The following TRMT1L variants were observed in gnomAD, a reference collection of about 807,000 sequenced individuals.
The protein encoded by TRMT1L is tRNA methyltransferase 1L, also known as tRNA (guanine(27)-N(2))-dimethyltransferase.
Under a neutral mutation model 81.6 loss-of-function variants are expected in TRMT1L, and 28 were observed. The ratio of observed to expected loss-of-function variants is 0.34; its 90% CI spans 0.25 to 0.47. TRMT1L has a LOEUF of 0.47. TRMT1L is among the 20% of genes least tolerant of loss of function. The pLI is 1.00. For synonymous variants in TRMT1L, 301 were observed against 303.2 expected (o/e 0.99, Z 0.07); for missense variants, 739 against 877.1 (o/e 0.84, Z 1.99).
chr1:185,137,342 G>A (rs1652924811), intron 10 of TRMT1L: 1 of 503,448 alleles, frequency 2.0e-6, no homozygotes. Context: ...CCTAAAATTA[G>A]TTGAGAGTGG....
chr1:185,152,515 T>G (rs897833682), intron 1 of TRMT1L, among the ~76,000 whole-genome samples: 1 of 152,226 alleles, frequency 6.6e-6, no homozygotes, highest in Non-Finnish European at 1.5e-5. Context: ...TAGTTTGAAC[T>G]TTATTCTTCA....
chr1:185,151,862 G>A lies in TRMT1L; in HGVS notation c.309C>T (p.Asp103=). ...NLAFVTDGNF[D]SASSLNSDNL... ...TATCTGAGTTCAATGAGCTGGCAGA[G>A]TCAAAATTTCCATCAGTTACAAAAG... The change falls in exon 2 of 15, where the codon GAC becomes GAT. Residue 103 remains aspartate, a synonymous_variant. Coordinates refer to ENST00000367506, the MANE Select transcript of TRMT1L (RefSeq NM_030934.5). 3 of 1,600,796 alleles carry A rather than the reference G, an allele frequency of 1.9e-6. No individual in the cohort carries two copies. Among genetic ancestry groups the A allele is most frequent in the South Asian group, 2.2e-5 (2 of 89,084 alleles).
chr1:185,143,472 T>C lies in TRMT1L; in HGVS notation c.780-36A>G. ...ATCATAATCTGAAATAACTTTACCA[T>C]GGCTTCACCATCATAGATTTTATTT... On this transcript the variant is annotated intron_variant, in intron 6 of 14. Transcript: ENST00000367506. 1.9e-6 allele frequency: 3 copies of C among 1,550,066 alleles called. No homozygotes were observed. In the South Asian group the frequency reaches 3.5e-5, roughly 18 times the overall value.
chr1:185,156,743 G>C lies in TRMT1L; in HGVS notation c.-31C>G, dbSNP rs761995283. On this transcript the variant is annotated 5_prime_UTR_variant, in exon 1 of 15. Coordinates refer to ENST00000367506, the MANE Select transcript of TRMT1L (RefSeq NM_030934.5). ...CCGCCTCCGTGCCAAGCCCGCCCGG[G>C]GACCCGGAGCGGGGCTCACGGCGGG... The C allele has an allele frequency of 3.4e-5, 54 of 1,611,374 alleles. No homozygotes were observed. The highest frequency in any genetic ancestry group is 4.3e-5 in the Non-Finnish European group (51 of 1,179,352).
At chr1:185,131,216 G>T (rs1009577019) in intron 10 of TRMT1L, among the ~76,000 whole-genome samples, 3 of 151,854 alleles carry the variant, frequency 2.0e-5, no homozygotes, top group Non-Finnish European at 4.4e-5. Flanking sequence ...AGCCAGGATG[G>T]TCTCGATCTC....
At chr1:185,155,528 T>C (rs946698868) in intron 1 of TRMT1L, among the ~76,000 whole-genome samples, 1 of 152,218 alleles carries the variant, frequency 6.6e-6, no homozygotes, top group Non-Finnish European at 1.5e-5. Flanking sequence ...ATCCTATCTA[T>C]AACTATCTAA....
chr1:185,142,173 G>A (rs1292304735), intron 7 of TRMT1L, among the ~76,000 whole-genome samples: 1 of 152,156 alleles, frequency 6.6e-6, no homozygotes, highest in Admixed American at 6.5e-5. Context: ...TATTTATACT[G>A]AGATGGTACT....
chr1:185,151,698 G>GT (rs1309811484), intron 2 of TRMT1L, 127 bp downstream of exon 2: 1 of 524,408 alleles, frequency 1.9e-6, no homozygotes, highest in African/African-American at 2.0e-5. Flanking sequence ...ATAAAAAACT[G>GT]TATTTTACCA....
chr1:185,127,983 G>A (rs1381788299), intron 11 of TRMT1L, among the ~76,000 whole-genome samples: 3 of 150,160 alleles, frequency 2.0e-5, no homozygotes, highest in South Asian at 2.1e-4. Flanking sequence ...GTGTTGTGGC[G>A]GGTGCCTGTA....
chr1:185,135,190 C>T (rs548948897), intron 10 of TRMT1L, among the ~76,000 whole-genome samples: 7 of 152,066 alleles, frequency 4.6e-5, no homozygotes, highest in Admixed American at 2.6e-4. Context: ...CCAAGGCGGG[C>T]GGATTGCCTG....
chr1:185,147,145 C>G, intron 4 of TRMT1L, 37 bp downstream of exon 4: 1 of 1,462,488 alleles, frequency 6.8e-7, no homozygotes, highest in South Asian at 1.2e-5. Flanking sequence ...TTAAAAAGGA[C>G]TAAATTTAAA....
At chr1:185,145,867 T>C (rs947833488) in intron 4 of TRMT1L, among the ~76,000 whole-genome samples, 1 of 152,008 alleles carries the variant, frequency 6.6e-6, no homozygotes, top group Non-Finnish European at 1.5e-5. Context: ...AGTGGTGTGC[T>C]GGTAAATGCT....
At position 185,156,178 on chromosome 1, in the gene TRMT1L, T is replaced by G. The variant is rs1305186938; in HGVS notation, c.235+300A>C. ...ACCAAATTATGTGTAACTTCCTATT[T>G]TTGTACCTTAAAAAGACTCCCTTTT... On this transcript the variant is annotated intron_variant, in intron 1 of 14. Transcript: ENST00000367506. Among the ~76,000 whole-genome samples the G allele has an allele frequency of 1.3e-5, 2 of 152,180 alleles. 1 individual carries two copies. Among genetic ancestry groups the G allele is most frequent in the Non-Finnish European group, 2.9e-5 (2 of 68,034 alleles).
At chr1:185,131,532 T>C (rs947918275) in intron 10 of TRMT1L, among the ~76,000 whole-genome samples, 2 of 152,112 alleles carry the variant, frequency 1.3e-5, no homozygotes, top group African/African-American at 4.8e-5. Flanking sequence ...TAAGAGATTT[T>C]GTATCCCTGA....
At chr1:185,122,929 C>T (rs1652535789) in intron 13 of TRMT1L, among the ~76,000 whole-genome samples, 1 of 152,116 alleles carries the variant, frequency 6.6e-6, no homozygotes, top group South Asian at 2.1e-4. Context: ...AAGTGATCTA[C>T]CCAACTTGGC....
rs1484665278 is a variant in TRMT1L, at chr1:185,144,005, T to C, written c.680A>G (p.Glu227Gly). ...IAASTAKPPK[E>G]ILKEADTDVQ... Reference sequence around the variant, plus strand: ...ATCCGTGTCTGCCTCTTTCAAAATTTCCTTAGGTGGTTTAGCAGTGGAAGC... The same window carrying C: ...ATCCGTGTCTGCCTCTTTCAAAATTCCCTTAGGTGGTTTAGCAGTGGAAGC... Residue 227 changes from glutamate to glycine, a missense_variant, in exon 6 of 15, where the codon GAA becomes GGA. Physicochemically the swap from Glu to Gly is moderately conservative, Grantham distance 98. Around this residue, in one of 4 missense-constraint regions of TRMT1L, gnomAD observed 331 missense variants for 462.2 expected, o/e 0.72. Coordinates refer to ENST00000367506, the MANE Select transcript of TRMT1L (RefSeq NM_030934.5). 6.2e-7 allele frequency: 1 copy of C among 1,607,542 alleles called. No individual in the cohort carries two copies. Among genetic ancestry groups the C allele is most frequent in the African/African-American group, 1.3e-5 (1 of 74,678 alleles).
intron 3 of TRMT1L, among the ~76,000 whole-genome samples, chr1:185,148,513 A>G (rs1424464537): frequency 1.3e-5 from 2 of 152,206 alleles, no homozygotes; most frequent in East Asian, 3.8e-4. Flanking sequence ...TGAGACAAAA[A>G]CTATCATATC....
At chr1:185,133,918 G>A (rs943251998) in intron 10 of TRMT1L, among the ~76,000 whole-genome samples, 3 of 152,130 alleles carry the variant, frequency 2.0e-5, no homozygotes, top group African/African-American at 7.2e-5. Flanking sequence ...AATAAAATTT[G>A]CGAACAATAT....
intron 13 of TRMT1L, 126 bp downstream of exon 13, chr1:185,123,731 G>A (rs1652552565): frequency 1.6e-6 from 1 of 606,712 alleles, no homozygotes; most frequent in Non-Finnish European, 2.8e-6. Context: ...CTACAGTTTT[G>A]TTGTCATATA....
Sources: allele counts gnomAD v4.1 joint callset (sites outside exome capture counted in the v4.1 genomes callset), GRCh38; gene constraint gnomAD v4.1.1; regional missense constraint gnomAD v4.1.1; transcripts MANE v1.5; gene names NCBI Gene and HGNC (gene_info 2026-07-23, HGNC 2026-07-21).